Variants in MAP3K5 observed in about 807,000 individuals in gnomAD.
MAP3K5 encodes the protein mitogen-activated protein kinase kinase kinase 5.
MAP3K5 carries 56 observed loss-of-function variants against 158.7 expected under a neutral mutation model. The observed-to-expected ratio is 0.35, with a 90% CI of 0.28 to 0.44. The LOEUF is 0.44. MAP3K5 is among the 20% of genes least tolerant of loss of function. MAP3K5 has a pLI of 1.00. For missense variants in MAP3K5, 1,294 were observed against 1,674.8 expected (o/e 0.77, Z 3.97); for synonymous variants, 579 against 601.7 (o/e 0.96, Z 0.55).
chr6:136,760,702 G>T (rs867374698), intron 1 of MAP3K5, among the ~76,000 whole-genome samples: 1 of 152,214 alleles, frequency 6.6e-6, no homozygotes, highest in Non-Finnish European at 1.5e-5. Flanking sequence ...AGGCACTGTG[G>T]CTCACGCCTG....
chr6:136,648,694 C>T (rs935357636), intron 11 of MAP3K5, among the ~76,000 whole-genome samples: 1 of 152,122 alleles, frequency 6.6e-6, no homozygotes, highest in Non-Finnish European at 1.5e-5. Context: ...AAGATACTGC[C>T]CTTCCTAGAA....
chr6:136,671,064 G>A (rs375750660), intron 7 of MAP3K5, among the ~76,000 whole-genome samples: 5 of 152,122 alleles, frequency 3.3e-5, no homozygotes, highest in African/African-American at 9.6e-5. Flanking sequence ...AACAAAAAAG[G>A]ATTTAGGAGA....
At chr6:136,592,780 G>A in intron 21 of MAP3K5, 166 bp from the exon 22 acceptor site, 1 of 717,856 alleles carries the variant, frequency 1.4e-6, no homozygotes. Context: ...TGCCTCCCTT[G>A]CTCAGCATAA....
intron 27 of MAP3K5, 42 bp from the exon 28 acceptor site, chr6:136,561,687 C>T (rs749484190): frequency 3.9e-5 from 44 of 1,116,774 alleles, no homozygotes; most frequent in Non-Finnish European, 5.8e-5. Context: ...TTTCACCTAA[C>T]AGAGGTCATC....
At chr6:136,653,715 G>A (rs745618070) in intron 10 of MAP3K5, among the ~76,000 whole-genome samples, 4 of 152,086 alleles carry the variant, frequency 2.6e-5, no homozygotes, top group Admixed American at 6.5e-5. Flanking sequence ...TTTCTGCAAC[G>A]CTTTATCATA....
intron 1 of MAP3K5, 143 bp from the exon 2 acceptor site, chr6:136,720,732 T>G: frequency 1.5e-6 from 1 of 656,170 alleles, no homozygotes; most frequent in Non-Finnish European, 2.5e-6. Context: ...CACTGAATTT[T>G]GAATTTGCAG....
At chr6:136,624,835 T>A (rs1776961944) in intron 14 of MAP3K5, among the ~76,000 whole-genome samples, 1 of 152,166 alleles carries the variant, frequency 6.6e-6, no homozygotes. Context: ...ATAAGTTTAA[T>A]GGTCAAGTCA....
At chr6:136,675,627 GT>G in intron 7 of MAP3K5, among the ~76,000 whole-genome samples, 1 of 152,172 alleles carries the variant, frequency 6.6e-6, no homozygotes, top group African/African-American at 2.4e-5. Flanking sequence ...TAGATAAAAT[GT>G]CTGGGATGCA....
intron 1 of MAP3K5, 39 bp downstream of exon 1, chr6:136,791,671 T>A (rs1345535852): frequency 6.2e-7 from 1 of 1,604,904 alleles, no homozygotes; most frequent in South Asian, 1.1e-5. Context: ...TAAACGCGGG[T>A]CCCGACCGCG....
At chr6:136,786,404 T>A (rs1327457658) in intron 1 of MAP3K5, among the ~76,000 whole-genome samples, 2 of 151,318 alleles carry the variant, frequency 1.3e-5, no homozygotes, top group East Asian at 1.9e-4. Context: ...AAAAAAAAAT[T>A]TGGAAAGCTT....
chr6:136,734,383 G>A (rs1464217214), intron 1 of MAP3K5, among the ~76,000 whole-genome samples: 2 of 121,834 alleles, frequency 1.6e-5, no homozygotes, highest in African/African-American at 6.5e-5. Flanking sequence ...TCATGGCACT[G>A]CACTCCAGCC....
intron 1 of MAP3K5, 146 bp from the exon 2 acceptor site, chr6:136,720,735 A>T: frequency 1.6e-6 from 1 of 642,290 alleles, no homozygotes; most frequent in Non-Finnish European, 2.6e-6. Flanking sequence ...TGAATTTTGA[A>T]TTTGCAGCTC....
intron 1 of MAP3K5, among the ~76,000 whole-genome samples, chr6:136,731,802 A>C (rs963628160): frequency 6.6e-6 from 1 of 152,230 alleles, no homozygotes; most frequent in African/African-American, 2.4e-5. Context: ...AAAGACTGGC[A>C]AAGAACAAAA....
At chr6:136,757,983 T>C (rs1398754013) in intron 1 of MAP3K5, among the ~76,000 whole-genome samples, 2 of 152,212 alleles carry the variant, frequency 1.3e-5, no homozygotes, top group African/African-American at 4.8e-5. Flanking sequence ...AAAGTGGTAA[T>C]AGGAGAGTTA....
intron 9 of MAP3K5, among the ~76,000 whole-genome samples, chr6:136,658,309 C>A: frequency 1.3e-5 from 1 of 75,670 alleles, no homozygotes; most frequent in Non-Finnish European, 3.1e-5. Context: ...TTCTTTCTTT[C>A]TTTCTTTTTT....
At chr6:136,695,627 T>A (rs1254398369) in intron 6 of MAP3K5, among the ~76,000 whole-genome samples, 1 of 152,260 alleles carries the variant, frequency 6.6e-6, no homozygotes, top group African/African-American at 2.4e-5. Context: ...TGGTGTTGAG[T>A]GTATTTGCTT....
At chr6:136,670,383 G>A (rs772914090) in intron 7 of MAP3K5, among the ~76,000 whole-genome samples, 27 of 152,044 alleles carry the variant, frequency 1.8e-4, no homozygotes, top group Non-Finnish European at 3.7e-4. Context: ...GGAACTGCCT[G>A]AGGCCAATGC....
chr6:136,640,907 C>T lies in MAP3K5; in HGVS notation c.1839-1269G>A, dbSNP rs539514252. The stretch of plus-strand genomic sequence containing the variant: ...AAGTCACAGACTACAACTCAAGTTT[C>T]TCAGCATATAAGCCAGCAATAGTAA... On this transcript the variant is annotated intron_variant, in intron 12 of 29. Coordinates refer to ENST00000359015, the MANE Select transcript of MAP3K5 (RefSeq NM_005923.4). Among the ~76,000 whole-genome samples, 4 of 152,152 alleles carry T rather than the reference C, an allele frequency of 2.6e-5. No homozygotes were observed. The South Asian group carries it at 8.3e-4, about 31-fold the overall frequency.
intron 29 of MAP3K5, 146 bp downstream of exon 29, chr6:136,558,654 A>T (rs1260891901): frequency 2.0e-6 from 1 of 501,656 alleles, no homozygotes; most frequent in African/African-American, 2.0e-5. Context: ...TGTCCAACTA[A>T]CTCAGTTTAC....
Sources: allele counts gnomAD v4.1 joint callset (sites outside exome capture counted in the v4.1 genomes callset), GRCh38; gene constraint gnomAD v4.1.1; transcripts MANE v1.5; gene names NCBI Gene and HGNC (gene_info 2026-07-23, HGNC 2026-07-21).